The following C12orf42 variants were observed in gnomAD, a reference collection of about 807,000 sequenced individuals.
The protein encoded by C12orf42 is uncharacterized protein C12orf42.
C12orf42 carries 25 observed loss-of-function variants against 21.6 expected under a neutral mutation model. The observed-to-expected ratio is 1.16, with a 90% CI of 0.84 to 1.62. C12orf42 has a LOEUF of 1.62. C12orf42 is among the 40% of genes most tolerant of loss of function. C12orf42 has a pLI of 0.00. For missense variants in C12orf42, 483 were observed against 459.3 expected (o/e 1.05, Z -0.47); for synonymous variants, 174 against 175.0 (o/e 0.99, Z 0.05).
chr12:103,347,835 C>G (rs1047619382), intron 4 of C12orf42, among the ~76,000 whole-genome samples: 3 of 152,046 alleles, frequency 2.0e-5, no homozygotes, highest in African/African-American at 7.2e-5. Flanking sequence ...CACACCCAAC[C>G]CTAGAAAGCA....
chr12:103,105,027 C>A, the C12orf42 span, among the ~76,000 whole-genome samples: 1 of 152,196 alleles, frequency 6.6e-6, no homozygotes, highest in African/African-American at 2.4e-5. Context: ...CATTTCCACA[C>A]TGCACTGGTA....
chr12:103,149,715 C>G, the C12orf42 span, among the ~76,000 whole-genome samples: 1 of 152,172 alleles, frequency 6.6e-6, no homozygotes, highest in Non-Finnish European at 1.5e-5. Flanking sequence ...CTCCCCTTTG[C>G]TTTCTGCCAT....
At chr12:103,079,124 C>T in the C12orf42 span, among the ~76,000 whole-genome samples, 1 of 152,044 alleles carries the variant, frequency 6.6e-6, no homozygotes, top group Non-Finnish European at 1.5e-5. Context: ...CAGAGATGAC[C>T]AAAAACTTTT....
At chr12:103,276,454 G>A (rs2035777242) in intron 5 of C12orf42, among the ~76,000 whole-genome samples, 1 of 152,190 alleles carries the variant, frequency 6.6e-6, no homozygotes, top group Admixed American at 6.5e-5. Context: ...CCCATTGCAA[G>A]AGTGAACTTC....
chr12:103,554,711 A>C, the C12orf42 span, among the ~76,000 whole-genome samples: 7 of 152,172 alleles, frequency 4.6e-5, no homozygotes, highest in Admixed American at 1.3e-4. Flanking sequence ...ATGTCCAGCA[A>C]GAAAGAGAGA....
chr12:103,375,314 C>T (rs1252127143), intron 3 of C12orf42, among the ~76,000 whole-genome samples: 4 of 152,094 alleles, frequency 2.6e-5, no homozygotes, highest in East Asian at 1.9e-4. Flanking sequence ...ATCTTCAGCT[C>T]TAGATGTACT....
chr12:103,374,573 A>T (rs1566182693), intron 3 of C12orf42, among the ~76,000 whole-genome samples: 1 of 152,156 alleles, frequency 6.6e-6, no homozygotes. Context: ...TTCAAAATGT[A>T]GTCTGTGTTT....
chr12:103,075,713 A>G, the C12orf42 span, among the ~76,000 whole-genome samples: 1 of 152,090 alleles, frequency 6.6e-6, no homozygotes, highest in Non-Finnish European at 1.5e-5. Flanking sequence ...TGACCACCCA[A>G]CCAGTCCAGT....
At chr12:103,184,194 G>A in the C12orf42 span, among the ~76,000 whole-genome samples, 1 of 152,106 alleles carries the variant, frequency 6.6e-6, no homozygotes, top group Non-Finnish European at 1.5e-5. Context: ...TCTCCTTTCA[G>A]CTCTATCAAT....
rs2047046385 is a variant in C12orf42, at chr12:103,391,162, T to TAC, written c.147+10444_147+10445insGT. On this transcript the variant is annotated intron_variant, in intron 3 of 5. Coordinates refer to ENST00000548883, the MANE Select transcript of C12orf42 (RefSeq NM_198521.5). ...TTTATGATTGAATCATATTCGGTTTTATATATATATATATATTTATCCATT... is the reference window on the plus strand; with the variant it reads ...TTTATGATTGAATCATATTCGGTTTTACATATATATATATATATTTATCCATT... Among the ~76,000 whole-genome samples, 3 of 101,494 alleles carry TAC rather than the reference T, an allele frequency of 3.0e-5. No individual in the cohort carries two copies. The South Asian group carries it at 9.8e-4, about 33-fold the overall frequency. 66.6% of individuals were successfully genotyped at this position (101,494 alleles called of 152,430 possible).
chr12:103,176,326 ACC>A, the C12orf42 span, among the ~76,000 whole-genome samples: 1 of 152,212 alleles, frequency 6.6e-6, no homozygotes, highest in Non-Finnish European at 1.5e-5. Context: ...TCTTTGAGTT[ACC>A]ACTTTCTATC....
At chr12:103,160,335 A>G in the C12orf42 span, among the ~76,000 whole-genome samples, 232 of 152,314 alleles carry the variant, frequency 1.5e-3, no homozygotes, top group African/African-American at 5.3e-3. Flanking sequence ...CTCCTTTCCT[A>G]GAAAGGTGTC....
At chr12:103,470,567 TC>T (rs201851747) in intron 2 of C12orf42, among the ~76,000 whole-genome samples, 303 of 152,332 alleles carry the variant, frequency 2.0e-3, no homozygotes, top group African/African-American at 6.8e-3. Context: ...AGAGAAAGGA[TC>T]TTTGTCCCCT....
At chr12:103,372,600 TC>T (rs1209685342) in intron 3 of C12orf42, among the ~76,000 whole-genome samples, 1 of 152,106 alleles carries the variant, frequency 6.6e-6, no homozygotes, top group East Asian at 1.9e-4. Context: ...CCCCAGCCCA[TC>T]ACACTCTGAC....
At chr12:103,310,690 G>A (rs2038893732) in intron 4 of C12orf42, among the ~76,000 whole-genome samples, 1 of 152,204 alleles carries the variant, frequency 6.6e-6, no homozygotes, top group South Asian at 2.1e-4. Flanking sequence ...CAAACCCTGT[G>A]TGCAAGCACA....
the C12orf42 span, chr12:103,505,319 C>A: frequency 3.8e-6 from 1 of 262,090 alleles, no homozygotes; most frequent in Non-Finnish European, 7.4e-6. Context: ...CCCTTCCATC[C>A]GGGGTTAGTG....
At chr12:103,261,241 C>T (rs2034884109) in intron 10 of C12orf42, among the ~76,000 whole-genome samples, 1 of 151,882 alleles carries the variant, frequency 6.6e-6, no homozygotes, top group African/African-American at 2.4e-5. Flanking sequence ...AAAGCCAAGG[C>T]AAGTGGATCC....
chr12:103,435,326 T>C (rs1462500358), intron 2 of C12orf42, among the ~76,000 whole-genome samples: 2 of 152,006 alleles, frequency 1.3e-5, no homozygotes, highest in African/African-American at 4.8e-5. Context: ...AAACCGGAAA[T>C]TCTAAAACGC....
intron 3 of C12orf42, among the ~76,000 whole-genome samples, chr12:103,401,290 T>C (rs1233302737): frequency 2.0e-5 from 3 of 152,194 alleles, no homozygotes; most frequent in Admixed American, 2.0e-4. Flanking sequence ...AGTTTCTGTA[T>C]GTTGGCCACA....
Sources: gnomAD v4.1 joint callset for allele counts (sites outside exome capture counted in the v4.1 genomes callset) on GRCh38, gnomAD v4.1.1 for gene constraint, MANE v1.5 for transcripts, NCBI Gene and HGNC (gene_info 2026-07-23, HGNC 2026-07-21) for gene names.